Variants in CELF2 observed in about 807,000 individuals in gnomAD.
The protein encoded by CELF2 is CUG triplet repeat RNA-binding protein 2.
CELF2 carries 8 observed loss-of-function variants against 62.6 expected under a neutral mutation model. The observed-to-expected ratio is 0.13, with a 90% CI of 0.07 to 0.23. The LOEUF is 0.23. CELF2 is among the 10% of genes least tolerant of loss of function. The probability of loss-of-function intolerance (pLI) is 1.00; values close to 1 mark genes in which losing one functional copy is unlikely to be tolerated. For synonymous variants in CELF2, 258 were observed against 250.0 expected, an observed-to-expected ratio of 1.03 and a Z score of -0.30; for missense variants, 333 against 671.0, an observed-to-expected ratio of 0.50 and a Z score of 5.56.
At chr10:10,521,310 C>T in the CELF2 span, among the ~76,000 whole-genome samples, 1 of 152,122 alleles carries the variant, frequency 6.6e-6, no homozygotes, top group Non-Finnish European at 1.5e-5. Flanking sequence ...CACCATGTCT[C>T]AGTAAATATG....
At position 11,185,916 on chromosome 10, in the gene CELF2, T is replaced by G. The variant is rs578242295; in HGVS notation, c.271+20234T>G. ...TGGAAAATTGTGTATAAAGTTGTAT[T>G]ATTTCTTTAGTTGTTTGGTAGAATT... On this transcript the variant is annotated intron_variant, in intron 2 of 12. Coordinates refer to ENST00000633077, the MANE Select transcript of CELF2 (RefSeq NM_001326342.2). 3.9e-5 allele frequency among the ~76,000 whole-genome samples: 6 copies of G among 152,370 alleles called. No homozygotes were observed. In the South Asian group the frequency reaches 1.2e-3, roughly 32 times the overall value.
chr10:10,517,697 A>T, the CELF2 span, among the ~76,000 whole-genome samples: 2 of 152,156 alleles, frequency 1.3e-5, no homozygotes, highest in African/African-American at 2.4e-5. Context: ...CATGGGAAGG[A>T]TAGTCAGAGA....
chr10:11,016,309 T>A (rs938855370), upstream of CELF2, among the ~76,000 whole-genome samples: 2 of 152,192 alleles, frequency 1.3e-5, no homozygotes, highest in African/African-American at 2.4e-5. The surrounding 1 kb of genome is among the most constrained non-coding windows in gnomAD (Gnocchi z 5.2). Flanking sequence ...CTCAGTTCCT[T>A]AGGAGCCCAG....
intron 10 of CELF2, chr10:11,320,914 A>G (rs962040470): frequency 7.8e-6 from 12 of 1,547,984 alleles, no homozygotes; most frequent in Non-Finnish European, 8.7e-6. Flanking sequence ...TGCCAGTAGC[A>G]CGCTGCATGG....
At chr10:10,645,846 C>T in the CELF2 span, among the ~76,000 whole-genome samples, 1 of 152,174 alleles carries the variant, frequency 6.6e-6, no homozygotes, top group Non-Finnish European at 1.5e-5. Context: ...AAACCCTCTT[C>T]CATGTATAGA....
the CELF2 span, among the ~76,000 whole-genome samples, chr10:10,609,813 C>T: frequency 3.3e-5 from 5 of 152,210 alleles, no homozygotes; most frequent in Admixed American, 1.3e-4. Context: ...CATCTGCTAA[C>T]GTGCTAAAAC....
chr10:10,814,240 A>T (rs1004188568), intron 1 of CELF2, among the ~76,000 whole-genome samples: 2 of 148,190 alleles, frequency 1.3e-5, no homozygotes, highest in Non-Finnish European at 3.0e-5. Flanking sequence ...AAAAAAAAAA[A>T]GCTGCTCTAA....
At chr10:11,299,045 G>C (rs931107570) in intron 9 of CELF2, among the ~76,000 whole-genome samples, 8 of 152,220 alleles carry the variant, frequency 5.3e-5, no homozygotes, top group African/African-American at 1.7e-4. Context: ...CTGCTTTTGT[G>C]TTCTGCTGTT....
At chr10:11,253,365 C>T (rs2077707060) in intron 4 of CELF2, among the ~76,000 whole-genome samples, 1 of 152,190 alleles carries the variant, frequency 6.6e-6, no homozygotes, top group African/African-American at 2.4e-5. Context: ...TCAGAGCTAG[C>T]AGCAGTCAAG....
At chr10:10,535,297 T>C in the CELF2 span, among the ~76,000 whole-genome samples, 30 of 152,140 alleles carry the variant, frequency 2.0e-4, no homozygotes, top group Non-Finnish European at 1.5e-4. Flanking sequence ...ACGTGTAGTA[T>C]CAAAAGGGTG....
chr10:11,065,955 G>A lies in CELF2; in HGVS notation c.74+47792G>A, dbSNP rs529742844. Among the ~76,000 whole-genome samples the A allele has an allele frequency of 6.6e-5, 10 of 152,308 alleles. No homozygotes were observed. The South Asian group carries it at 2.1e-3, about 32-fold the overall frequency. ...GGATTAGGCCACGTGCTTATGCAGG[G>A]TAGAGTAGTCCAGGCAGAAAGCAGT... is the stretch of plus-strand genomic sequence containing the variant. On this transcript the variant is annotated intron_variant, in intron 1 of 12. Transcript: ENST00000633077.
At chr10:11,054,195 A>G (rs911982998) in intron 1 of CELF2, among the ~76,000 whole-genome samples, 4 of 152,220 alleles carry the variant, frequency 2.6e-5, no homozygotes, top group Non-Finnish European at 4.4e-5. Flanking sequence ...GATTATTACT[A>G]CAAAGCTGAT....
the CELF2 span, among the ~76,000 whole-genome samples, chr10:10,503,028 G>C: frequency 6.6e-6 from 1 of 151,876 alleles, no homozygotes; most frequent in African/African-American, 2.4e-5. Context: ...GTTTCAATAG[G>C]TTAGAATATT....
At chr10:10,687,424 T>G in the CELF2 span, among the ~76,000 whole-genome samples, 1 of 152,194 alleles carries the variant, frequency 6.6e-6, no homozygotes, top group Admixed American at 6.5e-5. Context: ...ACGAACCTAA[T>G]GAAAATTTTA....
chr10:10,507,776 A>C, the CELF2 span, among the ~76,000 whole-genome samples: 2 of 152,232 alleles, frequency 1.3e-5, no homozygotes, highest in African/African-American at 4.8e-5. Flanking sequence ...CTGACTTTAT[A>C]AAATAGCACT....
At chr10:11,055,220 T>C (rs2064959323) in intron 1 of CELF2, among the ~76,000 whole-genome samples, 1 of 152,234 alleles carries the variant, frequency 6.6e-6, no homozygotes, top group African/African-American at 2.4e-5. Flanking sequence ...CCTGGTGTAC[T>C]TCACTAGGTG....
At chr10:10,783,058 T>C in the CELF2 span, among the ~76,000 whole-genome samples, 1 of 152,208 alleles carries the variant, frequency 6.6e-6, no homozygotes, top group African/African-American at 2.4e-5. Flanking sequence ...GATGTATCTC[T>C]TTTTTCAGAA....
At chr10:10,855,175 T>C (rs2059631200) in intron 1 of CELF2, among the ~76,000 whole-genome samples, 1 of 152,194 alleles carries the variant, frequency 6.6e-6, no homozygotes, top group Admixed American at 6.5e-5. Flanking sequence ...TTCTCAGTGC[T>C]CACACTGGGG....
chr10:10,915,854 G>A (rs570462264), intron 1 of CELF2, among the ~76,000 whole-genome samples: 75 of 152,306 alleles, frequency 4.9e-4, no homozygotes, highest in Non-Finnish European at 7.8e-4. Context: ...ATTCATCTTA[G>A]TGCCTCTCAA....
Sources: gnomAD v4.1 joint callset for allele counts (sites outside exome capture counted in the v4.1 genomes callset) on GRCh38, gnomAD v4.1.1 for gene constraint, Gnocchi (gnomAD v3.1) non-coding constraint, MANE v1.5 for transcripts, NCBI Gene and HGNC (gene_info 2026-07-23, HGNC 2026-07-21) for gene names.